The following PCDH19 variants were observed in gnomAD, a reference collection of about 807,000 sequenced individuals.
PCDH19 encodes protocadherin 19.
A neutral mutation model predicts 46.2 loss-of-function variants in PCDH19; 6 were observed. The observed-to-expected ratio is 0.13, with a 90% CI of 0.07 to 0.26. The LOEUF (loss-of-function observed/expected upper bound fraction) is 0.26, where lower values mean the gene tolerates loss of function less well. PCDH19 is among the 10% of genes least tolerant of loss of function. PCDH19 has a pLI of 1.00. For missense variants in PCDH19, 740 were observed against 972.3 expected, an observed-to-expected ratio of 0.76 and a Z score of 3.18; for synonymous variants, 481 against 415.7, an observed-to-expected ratio of 1.16 and a Z score of -1.91.
chrX:100,390,196 G>C (rs983484347), intron 3 of PCDH19, among the ~76,000 whole-genome samples: 7 of 111,551 alleles, frequency 6.3e-5, no homozygotes, highest in Non-Finnish European at 9.4e-5. Flanking sequence ...GGCCTGGTCA[G>C]TGAAGGATGA....
At chrX:100,378,164 AGAGAAAGC>A (rs1927442543) in intron 3 of PCDH19, among the ~76,000 whole-genome samples, 1 of 112,730 alleles carries the variant, frequency 8.9e-6, no homozygotes, top group African/African-American at 3.2e-5. Flanking sequence ...AAGCCATCCA[AGAGAAAGC>A]GAGCTGGCAG....
rs1602640348 is a variant in PCDH19, at chrX:100,410,203, C to T, written c.-1606G>A. 3 of 296,975 alleles carry T rather than the reference C, an allele frequency of 1.0e-5. No individual in the cohort carries two copies. In the East Asian group the frequency reaches 1.4e-4, roughly 14 times the overall value. The allele number at this position is 296,975 out of a possible 1,213,427, so 24.5% of individuals were successfully genotyped here. ...AGCTGTGCTGCCGTCTGTGCCCGCT[C>T]GTCCGTCTCCGCGCTGCGCCAGCCG... On this transcript the variant is annotated 5_prime_UTR_variant, in exon 1 of 6. Coordinates refer to ENST00000373034, the MANE Select transcript of PCDH19 (RefSeq NM_001184880.2).
chrX:100,334,006 T>A (rs1926002143), intron 5 of PCDH19, among the ~76,000 whole-genome samples: 1 of 110,170 alleles, frequency 9.1e-6, no homozygotes, highest in African/African-American at 3.3e-5. Flanking sequence ...GCAAGGCTGG[T>A]CTTGAACTCC....
chrX:100,396,461 C>T (rs1025205925), intron 3 of PCDH19, among the ~76,000 whole-genome samples: 2 of 111,039 alleles, frequency 1.8e-5, no homozygotes, highest in Non-Finnish European at 3.8e-5. Context: ...AAGAGGAATT[C>T]CAAAGCCTTA....
intron 3 of PCDH19, among the ~76,000 whole-genome samples, chrX:100,395,440 G>A (rs1928001630): frequency 8.9e-6 from 1 of 112,404 alleles, no homozygotes; most frequent in African/African-American, 3.2e-5. Flanking sequence ...CTCCTAGAGA[G>A]TCCTGTCAGG....
At chrX:100,371,238 TCC>T (rs773450720) in intron 3 of PCDH19, among the ~76,000 whole-genome samples, 1 of 112,057 alleles carries the variant, frequency 8.9e-6, no homozygotes, top group African/African-American at 3.2e-5. Flanking sequence ...TGTTTGGTGG[TCC>T]ATCTGTGGCT....
chrX:100,308,073 C>T (rs764495145), intron 5 of PCDH19, among the ~76,000 whole-genome samples: 8 of 110,731 alleles, frequency 7.2e-5, no homozygotes, highest in East Asian at 5.7e-4. Flanking sequence ...CAAAAAAGAG[C>T]CCACATAGCA....
intron 5 of PCDH19, among the ~76,000 whole-genome samples, chrX:100,339,510 G>A (rs1280296183): frequency 8.9e-6 from 1 of 112,542 alleles, no homozygotes; most frequent in East Asian, 2.8e-4. Context: ...AAGATAAAAT[G>A]TGATATACTT....
chrX:100,320,827 A>G (rs773281485), intron 5 of PCDH19, among the ~76,000 whole-genome samples: 2 of 96,780 alleles, frequency 2.1e-5, no homozygotes, highest in Non-Finnish European at 4.1e-5. Context: ...TACAGGTGGT[A>G]TTGGTTACAT....
chrX:100,333,189 G>C (rs1469414857), intron 5 of PCDH19, among the ~76,000 whole-genome samples: 37 of 70,943 alleles, frequency 5.2e-4, no homozygotes, highest in African/African-American at 2.0e-3. Flanking sequence ...GAGAGAGAAA[G>C]AAAGAAAGAA....
rs768595322 is a variant in PCDH19, at chrX:100,311,454, C to A, written c.2849-14579G>T. 3.6e-5 allele frequency among the ~76,000 whole-genome samples: 4 copies of A among 111,739 alleles called. No homozygotes were observed. In the East Asian group the frequency reaches 1.1e-3, roughly 32 times the overall value. ...GTGTTCCCCTTAACAGGAACTGACA[C>A]TTCCTTCAGTCAAGTCCCAGGACAT... is the stretch of plus-strand genomic sequence containing the variant. On this transcript the variant is annotated intron_variant, in intron 5 of 5. Coordinates refer to ENST00000373034, the MANE Select transcript of PCDH19 (RefSeq NM_001184880.2).
chrX:100,351,333 A>AC (rs1423997939), intron 3 of PCDH19, among the ~76,000 whole-genome samples: 1 of 112,029 alleles, frequency 8.9e-6, no homozygotes, highest in Admixed American at 9.4e-5. Flanking sequence ...TTGCAAGCAA[A>AC]CCCCTGTCTC....
chrX:100,303,612 G>T (rs1046387351), intron 5 of PCDH19, among the ~76,000 whole-genome samples: 1 of 111,802 alleles, frequency 8.9e-6, no homozygotes, highest in African/African-American at 3.3e-5. Flanking sequence ...AGTGAAGGCT[G>T]AGATATCTGT....
At chrX:100,328,571 C>G (rs935673052) in intron 5 of PCDH19, among the ~76,000 whole-genome samples, 1 of 111,310 alleles carries the variant, frequency 9.0e-6, no homozygotes. Flanking sequence ...AAATTCACAC[C>G]AAAGGAGGAG....
intron 3 of PCDH19, among the ~76,000 whole-genome samples, chrX:100,363,744 A>T (rs1352842132): frequency 6.0e-5 from 6 of 99,718 alleles, no homozygotes; most frequent in Admixed American, 1.2e-4. Context: ...ATATATAAAT[A>T]ATATATATAT....
At chrX:100,331,556 C>T (rs1034750809) in intron 5 of PCDH19, among the ~76,000 whole-genome samples, 4 of 111,737 alleles carry the variant, frequency 3.6e-5, no homozygotes, top group African/African-American at 1.3e-4. Context: ...TATGGTTTAG[C>T]TCTGTGACCC....
intron 3 of PCDH19, among the ~76,000 whole-genome samples, chrX:100,370,993 ATGTGTGTGTGTG>A (rs59834814): frequency 5.1e-5 from 5 of 98,381 alleles, no homozygotes; most frequent in Non-Finnish European, 1.0e-4. Flanking sequence ...GTGTGTGTGC[ATGTGTGTGTGTG>A]TGTGTGTGTG....
intron 3 of PCDH19, among the ~76,000 whole-genome samples, chrX:100,393,168 AT>A (rs1297455918): frequency 9.0e-6 from 1 of 111,040 alleles, no homozygotes; most frequent in African/African-American, 3.3e-5. Context: ...CGAGATCTCA[AT>A]TAAAAAGAGT....
chrX:100,334,355 T>C (rs899753429), intron 5 of PCDH19, among the ~76,000 whole-genome samples: 2 of 111,953 alleles, frequency 1.8e-5, no homozygotes, highest in African/African-American at 6.5e-5. Context: ...ATTCATATGG[T>C]TATGTCTTCC....
Sources: gnomAD v4.1 joint callset for allele counts (sites outside exome capture counted in the v4.1 genomes callset) on GRCh38, gnomAD v4.1.1 for gene constraint, MANE v1.5 for transcripts, NCBI Gene and HGNC (gene_info 2026-07-23, HGNC 2026-07-21) for gene names.